The following ESR1 variants were observed in gnomAD, a reference collection of about 807,000 sequenced individuals.
ESR1 encodes estrogen receptor.
A neutral mutation model predicts 52.7 loss-of-function variants in ESR1; 12 were observed. The ratio of observed to expected loss-of-function variants is 0.23; its 90% CI spans 0.15 to 0.37. The LOEUF is 0.37. Among genes scored for constraint, ESR1 ranks in the 10% least tolerant of loss-of-function variants. The pLI is 1.00. For synonymous variants in ESR1, 305 were observed against 316.8 expected (o/e 0.96, Z 0.39); for missense variants, 584 against 779.7 (o/e 0.75, Z 2.99).
intron 2 of ESR1, among the ~76,000 whole-genome samples, chr6:151,850,021 TAC>T (rs1355279431): frequency 1.5e-5 from 2 of 129,152 alleles, no homozygotes; most frequent in Non-Finnish European, 3.2e-5. Flanking sequence ...TGTATATATA[TAC>T]AAAATTATAT....
At chr6:151,788,719 T>G (rs540793565) in intron 2 of ESR1, among the ~76,000 whole-genome samples, 1 of 152,246 alleles carries the variant, frequency 6.6e-6, no homozygotes, top group African/African-American at 2.4e-5. Context: ...CCATTGATGG[T>G]AGACTGGATA....
intron 4 of ESR1, among the ~76,000 whole-genome samples, chr6:151,969,604 G>A (rs529960503): frequency 6.6e-6 from 1 of 152,312 alleles, no homozygotes; most frequent in South Asian, 2.1e-4. Context: ...ATCTGAACAG[G>A]AGGCAACCTT....
intron 5 of ESR1, among the ~76,000 whole-genome samples, chr6:152,025,420 G>A (rs963732737): frequency 9.2e-5 from 14 of 151,816 alleles, no homozygotes; most frequent in Admixed American, 8.5e-4. Flanking sequence ...TTCTTCTGTA[G>A]TAATTGGTCT....
chr6:151,974,323 A>G (rs764129284), intron 4 of ESR1, among the ~76,000 whole-genome samples: 1 of 150,006 alleles, frequency 6.7e-6, no homozygotes, highest in Non-Finnish European at 1.5e-5. Flanking sequence ...GTTTTCTATG[A>G]TTTATAAAGC....
chr6:151,930,952 A>AT, intron 3 of ESR1, among the ~76,000 whole-genome samples: 1 of 151,512 alleles, frequency 6.6e-6, no homozygotes, highest in Non-Finnish European at 1.5e-5. Flanking sequence ...CTTTTTCAAG[A>AT]TTTTCTCCCT....
intron 1 of ESR1, among the ~76,000 whole-genome samples, chr6:151,667,671 T>A (rs1040903107): frequency 3.9e-5 from 6 of 152,058 alleles, no homozygotes; most frequent in African/African-American, 1.4e-4. Flanking sequence ...GCTAGGAGAG[T>A]GCAATGGATG....
intron 4 of ESR1, among the ~76,000 whole-genome samples, chr6:151,980,198 T>C (rs1454366359): frequency 6.6e-6 from 1 of 152,186 alleles, no homozygotes; most frequent in Non-Finnish European, 1.5e-5. Flanking sequence ...GAGAAGAAAA[T>C]AAATTCAAAT....
At chr6:152,067,085 C>A (rs111744644) in intron 6 of ESR1, among the ~76,000 whole-genome samples, 5 of 152,170 alleles carry the variant, frequency 3.3e-5, no homozygotes, top group African/African-American at 7.2e-5. Flanking sequence ...AAATAAATCC[C>A]TGCCTGGAAA....
chr6:151,720,727 G>A (rs1354525139), intron 2 of ESR1, among the ~76,000 whole-genome samples: 2 of 152,048 alleles, frequency 1.3e-5, no homozygotes, highest in African/African-American at 4.8e-5. Context: ...TTTAAATATA[G>A]GAAGAATTAT....
chr6:151,823,717 C>T (rs564758605), intron 1 of ESR1, among the ~76,000 whole-genome samples: 78 of 151,926 alleles, frequency 5.1e-4, no homozygotes, highest in South Asian at 4.2e-3. Flanking sequence ...TGAGAACATG[C>T]GGTGTTTGGT....
chr6:151,685,591 T>G (rs567197467), upstream of ESR1, among the ~76,000 whole-genome samples: 5 of 152,304 alleles, frequency 3.3e-5, no homozygotes, highest in South Asian at 1.0e-3. Flanking sequence ...TTTGTGTATC[T>G]GGTGATCGAG....
At chr6:152,114,412 G>T (rs1191399963) in intron 6 of ESR1, among the ~76,000 whole-genome samples, 3 of 152,072 alleles carry the variant, frequency 2.0e-5, no homozygotes, top group African/African-American at 7.2e-5. Context: ...CATCTCCTAG[G>T]ATTCATAAAT....
At chr6:151,731,975 T>G (rs1391333199) in intron 2 of ESR1, among the ~76,000 whole-genome samples, 1 of 152,116 alleles carries the variant, frequency 6.6e-6, no homozygotes, top group Non-Finnish European at 1.5e-5. Flanking sequence ...GACGTGGAAT[T>G]GGGAGCAATG....
chr6:151,872,383 C>T (rs549163368), intron 2 of ESR1, among the ~76,000 whole-genome samples: 20 of 152,304 alleles, frequency 1.3e-4, no homozygotes, highest in African/African-American at 4.1e-4. Flanking sequence ...CTTTCTCCTC[C>T]TCCTCCCTTT....
At chr6:151,885,452 A>G (rs373088153) in intron 3 of ESR1, among the ~76,000 whole-genome samples, 102 of 152,362 alleles carry the variant, frequency 6.7e-4, no homozygotes, top group African/African-American at 2.4e-3. Flanking sequence ...TTTGGTAGAA[A>G]GAGGAACTCT....
intron 6 of ESR1, among the ~76,000 whole-genome samples, chr6:152,068,098 A>G (rs1406771413): frequency 6.6e-6 from 1 of 152,256 alleles, no homozygotes. Flanking sequence ...TGCCTGGGGC[A>G]GACTCCTGGC....
chr6:152,063,663 A>G (rs1585071057), intron 6 of ESR1, among the ~76,000 whole-genome samples: 1 of 152,334 alleles, frequency 6.6e-6, no homozygotes, highest in Non-Finnish European at 1.5e-5. Context: ...TAAAAGTCCA[A>G]CTGATTCATG....
At chr6:151,804,936 G>A (rs967511139), upstream of ESR1, 5 of 152,256 alleles carry the variant, frequency 3.3e-5, no homozygotes, top group Admixed American at 2.6e-4. Flanking sequence ...ACTGGGAAAT[G>A]AGAGACCTCG....
At chr6:151,858,028 T>C (rs549438689) in intron 2 of ESR1, among the ~76,000 whole-genome samples, 30 of 152,234 alleles carry the variant, frequency 2.0e-4, no homozygotes, top group Admixed American at 4.6e-4. Flanking sequence ...TAACTTTTTT[T>C]TACTCTTCCC....
Sources: gnomAD v4.1 joint callset for allele counts (sites outside exome capture counted in the v4.1 genomes callset) on GRCh38, gnomAD v4.1.1 for gene constraint, MANE v1.5 for transcripts, NCBI Gene and HGNC (gene_info 2026-07-23, HGNC 2026-07-21) for gene names.